ACTR3: variants seen among roughly 807,000 people sequenced by gnomAD.
The protein encoded by ACTR3 is actin-related protein 3.
Under a neutral mutation model 56.8 loss-of-function variants are expected in ACTR3, and 12 were observed. That is an observed-to-expected ratio of 0.21 (90% CI 0.14 to 0.34). ACTR3 has a LOEUF of 0.34. ACTR3 is among the 10% of genes least tolerant of loss of function. The probability of loss-of-function intolerance (pLI) is 1.00; values close to 1 mark genes in which losing one functional copy is unlikely to be tolerated. For missense variants in ACTR3, 282 were observed against 512.5 expected, an observed-to-expected ratio of 0.55 and a Z score of 4.34; for synonymous variants, 162 against 167.4, an observed-to-expected ratio of 0.97 and a Z score of 0.25.
chr2:113,957,268 A>G (rs927949989), intron 11 of ACTR3, 92 bp from the exon 12 acceptor site: 2 of 871,904 alleles, frequency 2.3e-6, no homozygotes, highest in African/African-American at 3.4e-5. Flanking sequence ...CTTAACATCT[A>G]TTTTAAAGCA....
intron 6 of ACTR3, among the ~76,000 whole-genome samples, chr2:113,936,760 T>C (rs1414364415): frequency 2.0e-5 from 3 of 152,172 alleles, no homozygotes; most frequent in African/African-American, 7.2e-5. Context: ...AACCAAAAAT[T>C]GTGATATAAC....
intron 3 of ACTR3, 77 bp from the exon 4 acceptor site, chr2:113,927,268 A>C: frequency 1.1e-6 from 1 of 941,192 alleles, no homozygotes; most frequent in African/African-American, 1.7e-5. Flanking sequence ...TAATGATCTG[A>C]TATTTCCTTT....
chr2:113,914,992 G>A (rs1306018765), intron 2 of ACTR3, among the ~76,000 whole-genome samples: 1 of 152,256 alleles, frequency 6.6e-6, no homozygotes, highest in East Asian at 1.9e-4. Flanking sequence ...ATGTCAATAC[G>A]TTGATTGTTT....
At chr2:113,913,886 G>A (rs551594278) in intron 2 of ACTR3, among the ~76,000 whole-genome samples, 5 of 152,112 alleles carry the variant, frequency 3.3e-5, no homozygotes, top group Non-Finnish European at 7.4e-5. Context: ...CTTGATTAAC[G>A]TACTTTTACA....
intron 2 of ACTR3, among the ~76,000 whole-genome samples, chr2:113,915,971 TTTTTTTA>T (rs774638917): frequency 4.6e-5 from 7 of 152,186 alleles, no homozygotes; most frequent in Non-Finnish European, 7.4e-5. Flanking sequence ...GGTTCAAGGT[TTTTTTTA>T]TATACATGCA....
chr2:113,902,086 A>G (rs1038458571), intron 1 of ACTR3, among the ~76,000 whole-genome samples: 1 of 152,178 alleles, frequency 6.6e-6, no homozygotes, highest in Admixed American at 6.5e-5. Context: ...TACTTACTTT[A>G]TCTTTCTTGT....
At chr2:113,953,802 A>G (rs558353728) in intron 10 of ACTR3, 81 of 152,330 alleles carry the variant, frequency 5.3e-4, no homozygotes, top group Non-Finnish European at 1.1e-3. Context: ...ATTAACCTTG[A>G]TCCAGTGTTA....
chr2:113,917,453 G>A (rs1346907958), intron 3 of ACTR3, among the ~76,000 whole-genome samples: 1 of 151,506 alleles, frequency 6.6e-6, no homozygotes, highest in Non-Finnish European at 1.5e-5. Flanking sequence ...TTTAATTGAG[G>A]TGTAAGTATG....
chr2:113,922,754 CAT>C (rs1172105357), intron 3 of ACTR3, among the ~76,000 whole-genome samples: 4 of 152,158 alleles, frequency 2.6e-5, no homozygotes, highest in African/African-American at 7.2e-5. Flanking sequence ...GAAAAAAGAA[CAT>C]GTGAAATAAA....
intron 5 of ACTR3, among the ~76,000 whole-genome samples, chr2:113,933,168 T>A (rs895870796): frequency 6.6e-6 from 1 of 152,210 alleles, no homozygotes; most frequent in Non-Finnish European, 1.5e-5. Context: ...AGGTGTGCGA[T>A]GGCGTTTTCT....
chr2:113,899,287 GAAT>G (rs1679058908), intron 1 of ACTR3, among the ~76,000 whole-genome samples: 2 of 152,110 alleles, frequency 1.3e-5, no homozygotes, highest in African/African-American at 4.8e-5. Flanking sequence ...ATTTGAAAAT[GAAT>G]AATCTCCACT....
chr2:113,890,873 G>C (rs532563714), intron 1 of ACTR3: 4 of 817,624 alleles, frequency 4.9e-6, no homozygotes, highest in Non-Finnish European at 5.9e-6. Context: ...CTACAGTGGG[G>C]CTTTCATTTG....
At chr2:113,936,190 G>A (rs1323300864) in intron 6 of ACTR3, among the ~76,000 whole-genome samples, 1 of 151,750 alleles carries the variant, frequency 6.6e-6, no homozygotes, top group South Asian at 2.1e-4. Context: ...TACTCCAGAG[G>A]CTGAGGAGGG....
Position 113,960,694 on chromosome 2 carries a change from TCCTGTGA to T in ACTR3, c.*3242_*3248del, listed in dbSNP as rs1236192072. The stretch of plus-strand genomic sequence containing the variant: ...CTTTTCTTACCAGCTCAACCTTGAT[TCCTGTGA>T]CCCATTCTTTCTGATCTTTCGTAGT... On this transcript the variant is annotated 3_prime_UTR_variant, in exon 12 of 12. Transcript: ENST00000263238. 6.6e-6 allele frequency: 1 copy of T among 152,014 alleles called. No homozygotes were observed. The highest frequency in any genetic ancestry group is 1.5e-5 in the Non-Finnish European group (1 of 67,918). The allele number at this position is 152,014 out of a possible 1,614,324, so 9.4% of individuals were successfully genotyped here.
chr2:113,905,943 T>C (rs950987679), intron 1 of ACTR3, among the ~76,000 whole-genome samples: 1 of 152,264 alleles, frequency 6.6e-6, no homozygotes, highest in Non-Finnish European at 1.5e-5. Context: ...ATTGCAGATA[T>C]TGCTGCTATG....
chr2:113,926,816 T>G (rs891904267), intron 3 of ACTR3, among the ~76,000 whole-genome samples: 7 of 152,222 alleles, frequency 4.6e-5, no homozygotes, highest in Admixed American at 2.6e-4. Context: ...AGTAGGTATC[T>G]TAGCACACAG....
At chr2:113,923,673 G>T (rs1374045050) in intron 3 of ACTR3, among the ~76,000 whole-genome samples, 3 of 151,078 alleles carry the variant, frequency 2.0e-5, no homozygotes, top group Non-Finnish European at 4.4e-5. Context: ...TATTGTCACT[G>T]ATTTCTCCTT....
chr2:113,924,264 A>G (rs1370944757), intron 3 of ACTR3, among the ~76,000 whole-genome samples: 1 of 150,418 alleles, frequency 6.6e-6, no homozygotes, highest in African/African-American at 2.4e-5. Flanking sequence ...TTTTGTAGAG[A>G]CAGGGTCTCA....
rs182279309 is a variant in ACTR3 at position 113,940,530 on chromosome 2, C to T, written c.684+428C>T. On this transcript the variant is annotated intron_variant, in intron 7 of 11. Transcript: ENST00000263238. Reference sequence around the variant, plus strand: ...TATAGTATAGAAGCAGTGCTTGGCTCAAGTGATAGGGCACATAGAAGAAAA... The same window carrying T: ...TATAGTATAGAAGCAGTGCTTGGCTTAAGTGATAGGGCACATAGAAGAAAA... Among the ~76,000 whole-genome samples, 224 of 152,184 alleles carry T rather than the reference C, an allele frequency of 1.5e-3. 1 individual carries two copies. The highest frequency in any genetic ancestry group is 5.2e-3 in the African/African-American group (217 of 41,552).
Sources: gnomAD v4.1 joint callset for allele counts (sites outside exome capture counted in the v4.1 genomes callset) on GRCh38, gnomAD v4.1.1 for gene constraint, MANE v1.5 for transcripts, NCBI Gene and HGNC (gene_info 2026-07-23, HGNC 2026-07-21) for gene names.